TNNI3K: variants seen among roughly 807,000 people sequenced by gnomAD.
TNNI3K encodes TNNI3 interacting kinase, also known as serine/threonine-protein kinase TNNI3K.
Under a neutral mutation model 114.5 loss-of-function variants are expected in TNNI3K, and 140 were observed. That is an observed-to-expected ratio of 1.22 (90% CI 1.07 to 1.41). The LOEUF is 1.41. Among genes scored for constraint, TNNI3K ranks in the 40% most tolerant of loss-of-function variants. The pLI is 0.00. For missense variants in TNNI3K, 1,125 were observed against 1,007.6 expected, an observed-to-expected ratio of 1.12 and a Z score of -1.58; for synonymous variants, 347 against 347.5, an observed-to-expected ratio of 1.00 and a Z score of 0.02.
intron 5 of TNNI3K, among the ~76,000 whole-genome samples, chr1:74,287,999 G>A (rs781383537): frequency 5.3e-5 from 8 of 151,886 alleles, no homozygotes; most frequent in Admixed American, 2.6e-4. Flanking sequence ...GCTTAATATC[G>A]TTAATTATCA....
At chr1:74,411,429 T>C (rs1271802607) in intron 17 of TNNI3K, among the ~76,000 whole-genome samples, 1 of 152,166 alleles carries the variant, frequency 6.6e-6, no homozygotes, top group Non-Finnish European at 1.5e-5. Flanking sequence ...GAAATTTTTA[T>C]ATACAAATGC....
At chr1:74,249,570 T>G in intron 3 of TNNI3K, 26 bp downstream of exon 3, 1 of 1,607,990 alleles carries the variant, frequency 6.2e-7, no homozygotes, top group Non-Finnish European at 8.5e-7. Flanking sequence ...TTAGTACTTC[T>G]TAAACTGGTT....
At chr1:74,369,736 T>C (rs1434503792) in intron 16 of TNNI3K, 151 bp downstream of exon 16, 1 of 858,426 alleles carries the variant, frequency 1.2e-6, no homozygotes, top group Middle Eastern at 4.0e-4. Flanking sequence ...TAATAATTTA[T>C]GCCTAATAAC....
intron 17 of TNNI3K, among the ~76,000 whole-genome samples, chr1:74,429,458 T>C (rs1427207283): frequency 6.6e-6 from 1 of 152,070 alleles, no homozygotes; most frequent in Admixed American, 6.6e-5. Context: ...GTTCAGTGTA[T>C]GGGAGTCTTA....
chr1:74,360,118 T>C (rs185701750), intron 11 of TNNI3K, among the ~76,000 whole-genome samples: 1 of 151,964 alleles, frequency 6.6e-6, no homozygotes, highest in Non-Finnish European at 1.5e-5. Context: ...ACTATCACTA[T>C]TTTAATTCAG....
At chr1:74,339,542 A>G (rs1660648885) in intron 7 of TNNI3K, among the ~76,000 whole-genome samples, 3 of 152,156 alleles carry the variant, frequency 2.0e-5, no homozygotes, top group Admixed American at 1.3e-4. Context: ...CAAAGAGAGT[A>G]CAATTTGAAA....
At chr1:74,381,078 C>G (rs1021703576) in intron 17 of TNNI3K, among the ~76,000 whole-genome samples, 2 of 152,118 alleles carry the variant, frequency 1.3e-5, no homozygotes, top group Non-Finnish European at 2.9e-5. Flanking sequence ...TTAATATTTT[C>G]TATTTCAAAA....
chr1:74,534,495 C>A (rs934499666), intron 23 of TNNI3K, among the ~76,000 whole-genome samples: 1 of 152,112 alleles, frequency 6.6e-6, no homozygotes, highest in Non-Finnish European at 1.5e-5. Flanking sequence ...AGTTTGGAAG[C>A]CACAACACTG....
intron 17 of TNNI3K, among the ~76,000 whole-genome samples, chr1:74,405,713 G>A (rs1664581875): frequency 6.6e-6 from 1 of 152,102 alleles, no homozygotes; most frequent in East Asian, 1.9e-4. Context: ...TCTAGAAATA[G>A]AAAGAAATAA....
chr1:74,253,866 A>T (rs1217406238), intron 4 of TNNI3K, among the ~76,000 whole-genome samples: 1 of 152,168 alleles, frequency 6.6e-6, no homozygotes. Context: ...GAAGGCACCA[A>T]GAGCGAGCGA....
At chr1:74,343,255 C>A in intron 9 of TNNI3K, 76 bp downstream of exon 9, 1 of 1,455,872 alleles carries the variant, frequency 6.9e-7, no homozygotes, top group Non-Finnish European at 9.3e-7. Context: ...GGGTATAAAG[C>A]AAGAACAAAT....
chr1:74,511,480 C>T (rs1371368300), intron 23 of TNNI3K, among the ~76,000 whole-genome samples: 2 of 152,154 alleles, frequency 1.3e-5, no homozygotes, highest in Admixed American at 6.6e-5. Flanking sequence ...CAATATATTA[C>T]TTACAGGTGG....
Position 74,271,680 on chromosome 1 carries a change from A to G in TNNI3K, c.416A>G (p.His139Arg). Residue 139 changes from histidine (H) to arginine (R), a missense_variant, in exon 5 of 25, where the codon CAT becomes CGT. Coordinates refer to ENST00000326637, the MANE Select transcript of TNNI3K (RefSeq NM_015978.3). The stretch of plus-strand genomic sequence containing the variant: ...GGATACGGTGGCCTCACTGCCCTCC[A>G]TATTGCTACAATAGCTGGCCACCTA... ...QVGYGGLTAL[H>R]IATIAGHLEA... is the part of the protein sequence containing the mutation. 6.2e-7 allele frequency: 1 copy of G among 1,608,622 alleles called. No homozygotes were observed. Among genetic ancestry groups the G allele is most frequent in the Non-Finnish European group, 8.5e-7 (1 of 1,176,874 alleles).
intron 20 of TNNI3K, among the ~76,000 whole-genome samples, chr1:74,447,436 A>G (rs1487557140): frequency 6.8e-6 from 1 of 147,316 alleles, no homozygotes; most frequent in Non-Finnish European, 1.5e-5. Flanking sequence ...AACCCCATCA[A>G]AAAGTGGGCG....
At chr1:74,280,301 G>A (rs571804798) in intron 5 of TNNI3K, among the ~76,000 whole-genome samples, 4 of 152,116 alleles carry the variant, frequency 2.6e-5, no homozygotes, top group South Asian at 4.2e-4. Flanking sequence ...AGAATGGTGC[G>A]AACCTGGGAG....
intron 17 of TNNI3K, among the ~76,000 whole-genome samples, chr1:74,417,767 A>G (rs1665200413): frequency 6.6e-6 from 1 of 151,820 alleles, no homozygotes; most frequent in African/African-American, 2.4e-5. Flanking sequence ...GAGAGAGAAA[A>G]GAATAAAAGG....
rs966423180 is a variant in TNNI3K at position 74,433,356 on chromosome 1, A to G, written c.1773-2724A>G. Among the ~76,000 whole-genome samples the G allele has an allele frequency of 2.0e-5, 3 of 152,100 alleles. No individual in the cohort carries two copies. The East Asian group carries it at 5.8e-4, about 29-fold the overall frequency. ...GTGACTGATTAGCACAGGTTCTGCC[A>G]GCTTCAACCCTGCCTGCCCCCCTTC... On this transcript the variant is annotated intron_variant, in intron 17 of 24. Coordinates refer to ENST00000326637, the MANE Select transcript of TNNI3K (RefSeq NM_015978.3).
chr1:74,509,752 T>C (rs796657238), intron 23 of TNNI3K, among the ~76,000 whole-genome samples: 12 of 107,798 alleles, frequency 1.1e-4, no homozygotes, highest in African/African-American at 4.8e-4. Context: ...AATTTCTTTT[T>C]TTTTTTTTTT....
intron 17 of TNNI3K, among the ~76,000 whole-genome samples, chr1:74,390,584 A>G (rs1425364373): frequency 6.6e-6 from 1 of 152,152 alleles, no homozygotes; most frequent in African/African-American, 2.4e-5. Flanking sequence ...ACTATCTACC[A>G]GGCACTGTGC....
Sources: allele counts gnomAD v4.1 joint callset (sites outside exome capture counted in the v4.1 genomes callset), GRCh38; gene constraint gnomAD v4.1.1; transcripts MANE v1.5; gene names NCBI Gene and HGNC (gene_info 2026-07-23, HGNC 2026-07-21).